The following PWWP2A variants were observed in gnomAD, a reference collection of about 807,000 sequenced individuals.
PWWP2A encodes the protein PWWP domain-containing protein 2A.
PWWP2A carries 18 observed loss-of-function variants against 48.5 expected under a neutral mutation model. The ratio of observed to expected loss-of-function variants is 0.37; its 90% confidence interval spans 0.26 to 0.55. The LOEUF is 0.55. PWWP2A is among the 20% of genes least tolerant of loss of function. The pLI is 0.81. For synonymous variants in PWWP2A, 396 were observed against 387.7 expected, an observed-to-expected ratio of 1.02 and a Z score of -0.25; for missense variants, 867 against 976.4, an observed-to-expected ratio of 0.89 and a Z score of 1.49.
chr5:160,049,707 G>C, the PWWP2A span: 60 of 1,427,914 alleles, frequency 4.2e-5, no homozygotes, highest in Middle Eastern at 2.5e-4. Context: ...TATTCTTTGT[G>C]TTGCTACCCA....
At position 160,119,176 on chromosome 5, in the gene PWWP2A, T is replaced by C. The variant is rs368799133; in HGVS notation, c.213A>G (p.Pro71=). The change falls in exon 1 of 2, where the codon CCA becomes CCG. Residue 71 remains proline, a synonymous_variant. Transcript: ENST00000307063. ...GGGCGAGCTCCCCCGGCGGCGGCGG[T>C]GGCGGCGGGAGCGGCGGCTCGTCGG... ...PQADEPPLPP[P]PPPPGELARS... is the part of the protein sequence containing the mutation. 9,391 of 1,508,406 alleles carry C rather than the reference T, an allele frequency of 6.2e-3. 48 individuals carry two copies. The highest frequency in any genetic ancestry group is 0.018 in the South Asian group (1,417 of 78,832). The allele number at this position is 1,508,406 out of a possible 1,614,324, so 93.4% of individuals were successfully genotyped here.
At chr5:160,072,078 A>T (rs1753751921), downstream of PWWP2A, among the ~76,000 whole-genome samples, 1 of 152,142 alleles carries the variant, frequency 6.6e-6, no homozygotes, top group Non-Finnish European at 1.5e-5. Context: ...GATTTCCTTT[A>T]AAAAAGTATG....
intron 1 of PWWP2A, among the ~76,000 whole-genome samples, chr5:160,113,879 T>TA (rs1400868531): frequency 6.6e-6 from 1 of 152,196 alleles, no homozygotes; most frequent in African/African-American, 2.4e-5. Flanking sequence ...AATATGCAAG[T>TA]AGAAAAAGCA....
chr5:160,109,181 G>A (rs541409622), intron 1 of PWWP2A, among the ~76,000 whole-genome samples: 15 of 151,898 alleles, frequency 9.9e-5, no homozygotes, highest in South Asian at 2.1e-4. Flanking sequence ...ATGGGGTTTC[G>A]CCATGTTGGC....
chr5:160,090,154 T>C (rs1754949451), downstream of PWWP2A: 3 of 985,348 alleles, frequency 3.0e-6, no homozygotes, highest in Non-Finnish European at 3.6e-6. Context: ...TTGTTATTTT[T>C]ATATTCAACA....
the PWWP2A span, among the ~76,000 whole-genome samples, chr5:160,044,449 G>A: frequency 3.3e-5 from 5 of 152,310 alleles, no homozygotes; most frequent in African/African-American, 1.2e-4. Flanking sequence ...AGCAAGGGGT[G>A]GATTACTCAT....
chr5:160,046,754 C>CT, the PWWP2A span, among the ~76,000 whole-genome samples: 1 of 152,150 alleles, frequency 6.6e-6, no homozygotes, highest in African/African-American at 2.4e-5. Context: ...TGGCTCACGC[C>CT]TGTAATCCCA....
downstream of PWWP2A, among the ~76,000 whole-genome samples, chr5:160,088,734 T>A (rs1233316120): frequency 6.6e-6 from 1 of 152,182 alleles, no homozygotes; most frequent in African/African-American, 2.4e-5. Context: ...CATTTGCCCA[T>A]CTCTTTGGCT....
chr5:160,071,053 GT>G (rs1338048374), downstream of PWWP2A, among the ~76,000 whole-genome samples: 6 of 152,164 alleles, frequency 3.9e-5, no homozygotes, highest in African/African-American at 1.4e-4. Flanking sequence ...GCCAGGCATG[GT>G]GGTACACACC....
chr5:160,110,480 A>G (rs113222831), intron 1 of PWWP2A, among the ~76,000 whole-genome samples: 1,945 of 151,600 alleles, frequency 0.013, 46 homozygotes, highest in African/African-American at 0.045. Flanking sequence ...GCCGCGGCAG[A>G]TGGATCACCT....
At chr5:160,113,278 G>A (rs1248344498) in intron 1 of PWWP2A, 1 of 977,424 alleles carries the variant, frequency 1.0e-6, no homozygotes, top group African/African-American at 1.8e-5. Context: ...TTTTTTCACA[G>A]AATGATTCTC....
In PWWP2A at chr5:160,068,540, A is replaced by G. The variant is rs151255049; in HGVS notation, c.*80-1669T>C. 1.5e-3 allele frequency among the ~76,000 whole-genome samples: 236 copies of G among 152,346 alleles called. 3 individuals carry two copies. Among genetic ancestry groups the G allele is most frequent in the African/African-American group, 5.5e-3 (228 of 41,588 alleles). The stretch of plus-strand genomic sequence containing the variant: ...TTTGGACCCAACAGGCGGAGGTTGC[A>G]GTAAGCTGAGATCGTGCCACTGCAC... On this transcript the variant is annotated intron_variant and NMD_transcript_variant, in intron 2 of 5. Transcript: ENST00000524050.
intron 1 of PWWP2A, among the ~76,000 whole-genome samples, chr5:160,114,895 C>T (rs1483562522): frequency 6.6e-6 from 1 of 151,702 alleles, no homozygotes; most frequent in Admixed American, 6.6e-5. Flanking sequence ...AATCCCAGCA[C>T]TCTGGGAGGC....
At chr5:160,089,441 G>A (rs1195956810), downstream of PWWP2A, 2 of 826,810 alleles carry the variant, frequency 2.4e-6, no homozygotes, top group Non-Finnish European at 3.3e-6. Flanking sequence ...CGAACTCCGG[G>A]CCTCAAGCAA....
the PWWP2A span, among the ~76,000 whole-genome samples, chr5:160,050,492 C>T: frequency 1.5e-4 from 23 of 152,154 alleles, 1 homozygote; most frequent in African/African-American, 4.3e-4. Flanking sequence ...GTTAAAAATA[C>T]AAATATAGCA....
chr5:160,111,333 A>G (rs1484013520), intron 1 of PWWP2A, among the ~76,000 whole-genome samples: 1 of 152,012 alleles, frequency 6.6e-6, no homozygotes, highest in Non-Finnish European at 1.5e-5. Flanking sequence ...ACGCCCGGCT[A>G]ATTTTTGTAT....
intron 4 of PWWP2A, among the ~76,000 whole-genome samples, chr5:160,064,449 A>C (rs975834341): frequency 2.6e-5 from 4 of 152,238 alleles, no homozygotes; most frequent in Admixed American, 6.5e-5. Context: ...ATATGAATCC[A>C]AGCTCAGTGG....
At chr5:160,045,523 C>CACA in the PWWP2A span, among the ~76,000 whole-genome samples, 2 of 98,344 alleles carry the variant, frequency 2.0e-5, no homozygotes, top group Non-Finnish European at 4.2e-5. Context: ...CATACACACT[C>CACA]TCTCTCTCTC....
At chr5:160,064,515 G>A (rs1462771664) in intron 4 of PWWP2A, among the ~76,000 whole-genome samples, 1 of 152,220 alleles carries the variant, frequency 6.6e-6, no homozygotes, top group South Asian at 2.1e-4. Context: ...CTAGAGAGAA[G>A]AGACTTGGAG....
Sources: gnomAD v4.1 joint callset for allele counts (sites outside exome capture counted in the v4.1 genomes callset) on GRCh38, gnomAD v4.1.1 for gene constraint, MANE v1.5 for transcripts, NCBI Gene and HGNC (gene_info 2026-07-23, HGNC 2026-07-21) for gene names.